The following PPM1E variants were observed in gnomAD, a reference collection of about 807,000 sequenced individuals.
PPM1E encodes protein phosphatase 1E.
PPM1E carries 20 observed loss-of-function variants against 65.9 expected under a neutral mutation model. The ratio of observed to expected loss-of-function variants is 0.30; its 90% confidence interval spans 0.21 to 0.44. The LOEUF is 0.44. Ranked by LOEUF, PPM1E falls within the 20% of genes least tolerant of loss-of-function variation. The pLI is 1.00. For missense variants in PPM1E, 713 were observed against 953.1 expected, an observed-to-expected ratio of 0.75 and a Z score of 3.32; for synonymous variants, 352 against 374.9, an observed-to-expected ratio of 0.94 and a Z score of 0.70.
rs1388436450 is a variant in PPM1E at position 58,814,126 on chromosome 17, C to T, written c.464+57665C>T. ...TGCTAAAGAAGAACACAGGAAAAAG[C>T]AGTGAATATTGATTAGGAAATCAGA... On this transcript the variant is annotated intron_variant, in intron 1 of 6. Coordinates refer to ENST00000308249, the MANE Select transcript of PPM1E (RefSeq NM_014906.5). Among the ~76,000 whole-genome samples, 3 of 152,194 alleles carry T rather than the reference C, an allele frequency of 2.0e-5. No individual in the cohort carries two copies. In the East Asian group the frequency reaches 5.8e-4, roughly 29 times the overall value.
At chr17:58,961,074 C>T (rs2030016495) in intron 2 of PPM1E, among the ~76,000 whole-genome samples, 1 of 152,046 alleles carries the variant, frequency 6.6e-6, no homozygotes, top group Non-Finnish European at 1.5e-5. Context: ...CATAAAACTA[C>T]CCAAGTGACA....
intron 1 of PPM1E, chr17:58,785,480 A>ATATATG (rs1308343505): frequency 1.8e-5 from 2 of 112,352 alleles, no homozygotes; most frequent in African/African-American, 5.8e-5. Flanking sequence ...ATATATATAT[A>ATATATG]TATATATATA....
At chr17:58,769,692 T>G (rs1362145013) in intron 1 of PPM1E, among the ~76,000 whole-genome samples, 3 of 152,142 alleles carry the variant, frequency 2.0e-5, no homozygotes, top group Non-Finnish European at 4.4e-5. Flanking sequence ...ATATTAAGTA[T>G]CTGATCTTTT....
chr17:58,917,335 C>T (rs2051696498), intron 1 of PPM1E, among the ~76,000 whole-genome samples: 1 of 151,028 alleles, frequency 6.6e-6, no homozygotes, highest in Non-Finnish European at 1.5e-5. Flanking sequence ...ATAATCGTTG[C>T]CATTGTTTGT....
At chr17:58,785,898 T>C (rs1317359761) in intron 1 of PPM1E, among the ~76,000 whole-genome samples, 2 of 152,038 alleles carry the variant, frequency 1.3e-5, no homozygotes, top group Non-Finnish European at 2.9e-5. Flanking sequence ...CTAACATGAA[T>C]CTCTTTTTCC....
At chr17:58,871,809 C>A (rs1310838957) in intron 1 of PPM1E, among the ~76,000 whole-genome samples, 3 of 53,298 alleles carry the variant, frequency 5.6e-5, no homozygotes, top group Admixed American at 5.2e-4. Context: ...AAAGGGAGAC[C>A]CTGTCTCAAA....
intron 2 of PPM1E, among the ~76,000 whole-genome samples, chr17:58,964,339 C>T (rs952936982): frequency 3.9e-5 from 6 of 152,008 alleles, no homozygotes; most frequent in African/African-American, 1.4e-4. Context: ...AGTAGCTCAG[C>T]TTAAGTGGAG....
At chr17:58,921,658 C>G (rs1798869945) in intron 1 of PPM1E, among the ~76,000 whole-genome samples, 1 of 142,484 alleles carries the variant, frequency 7.0e-6, no homozygotes, top group Non-Finnish European at 1.5e-5. Context: ...GAGTGAGACT[C>G]TATCTCAAAA....
At chr17:58,864,488 A>G (rs1305453955) in intron 1 of PPM1E, among the ~76,000 whole-genome samples, 2 of 152,044 alleles carry the variant, frequency 1.3e-5, no homozygotes, top group Non-Finnish European at 2.9e-5. Context: ...AAAAATACAA[A>G]AATTAGCCAG....
At chr17:58,846,689 G>A (rs1463614176) in intron 1 of PPM1E, among the ~76,000 whole-genome samples, 2 of 152,122 alleles carry the variant, frequency 1.3e-5, no homozygotes, top group East Asian at 3.8e-4. Flanking sequence ...ATTTGGGTTG[G>A]TTCCAAGTCT....
rs771533800 is a variant in PPM1E at position 58,756,021 on chromosome 17, G to C, written c.24G>C (p.Glu8Asp). The C allele has an allele frequency of 6.8e-6, 11 of 1,614,044 alleles. No homozygotes were observed. The highest frequency in any genetic ancestry group is 9.3e-6 in the Non-Finnish European group (11 of 1,179,936). Residue 8 changes from glutamate to aspartate, a missense_variant, in exon 1 of 7, where the codon GAG becomes GAC. Coordinates refer to ENST00000308249, the MANE Select transcript of PPM1E (RefSeq NM_014906.5). ...CGATGGCCGGCTGCATCCCTGAGGA[G>C]AAAACTTACCGGCGCTTCCTGGAGC... is the stretch of plus-strand genomic sequence containing the variant. MAGCIPEEKTYRRFLELF... is the reference protein window; with the variant it reads MAGCIPEDKTYRRFLELF...
At position 58,771,058 on chromosome 17, in the gene PPM1E, T is replaced by C. The variant is rs572953492; in HGVS notation, c.464+14597T>C. 3.3e-5 allele frequency among the ~76,000 whole-genome samples: 5 copies of C among 152,002 alleles called. No homozygotes were observed. In the East Asian group the frequency reaches 7.8e-4, roughly 24 times the overall value. ...TTTTAGTAGAGATGGGGTTTCACCA[T>C]GTTGGCCAGGATAGTCTTTATCTCT... On this transcript the variant is annotated intron_variant, in intron 1 of 6. Coordinates refer to ENST00000308249, the MANE Select transcript of PPM1E (RefSeq NM_014906.5).
At chr17:58,795,468 T>A (rs2050196806) in intron 1 of PPM1E, among the ~76,000 whole-genome samples, 1 of 152,140 alleles carries the variant, frequency 6.6e-6, no homozygotes, top group South Asian at 2.1e-4. Flanking sequence ...TTTGGGAAGC[T>A]GAGGCAGGAG....
At chr17:58,816,786 ATATATATATTTTTTTT>A (rs2050427865) in intron 1 of PPM1E, among the ~76,000 whole-genome samples, 2 of 7,744 alleles carry the variant, frequency 2.6e-4, no homozygotes, top group East Asian at 2.5e-3. Context: ...ATATATATAT[ATATATATATTTTTTTT>A]TTTTTTTTTT....
intron 1 of PPM1E, among the ~76,000 whole-genome samples, chr17:58,804,932 T>C (rs2050291229): frequency 1.3e-5 from 2 of 152,130 alleles, no homozygotes; most frequent in South Asian, 4.1e-4. Flanking sequence ...TAATACATTG[T>C]TGCTAACTAT....
chr17:58,966,386 A>T (rs181464673), intron 3 of PPM1E: 133 of 343,960 alleles, frequency 3.9e-4, no homozygotes, highest in Admixed American at 1.3e-3. Flanking sequence ...AAAAACAATT[A>T]AAAAAAATTA....
intron 3 of PPM1E, 28 bp from the exon 4 acceptor site, chr17:58,969,511 C>T: frequency 6.2e-7 from 1 of 1,611,862 alleles, no homozygotes; most frequent in South Asian, 1.1e-5. Context: ...ACCCAACTCC[C>T]ATAACTGTTC....
At chr17:58,859,781 C>G (rs746318016) in intron 1 of PPM1E, among the ~76,000 whole-genome samples, 1 of 152,220 alleles carries the variant, frequency 6.6e-6, no homozygotes, top group Non-Finnish European at 1.5e-5. Flanking sequence ...ACAGCTTCCA[C>G]CACCATGTTT....
At chr17:58,956,474 T>G (rs1054186032) in intron 2 of PPM1E, among the ~76,000 whole-genome samples, 1 of 151,824 alleles carries the variant, frequency 6.6e-6, no homozygotes, top group Non-Finnish European at 1.5e-5. Context: ...AAAAAAACCT[T>G]AACTTTGTAT....
Sources: allele counts gnomAD v4.1 joint callset (sites outside exome capture counted in the v4.1 genomes callset), GRCh38; gene constraint gnomAD v4.1.1; transcripts MANE v1.5; gene names NCBI Gene and HGNC (gene_info 2026-07-23, HGNC 2026-07-21).